Variants in ABLIM2 observed in about 807,000 individuals in gnomAD.
ABLIM2 encodes the protein actin-binding LIM protein 2.
ABLIM2 carries 53 observed loss-of-function variants against 97.7 expected under a neutral mutation model. The observed-to-expected ratio is 0.54, with a 90% confidence interval of 0.44 to 0.68. ABLIM2 has a LOEUF of 0.68. Ranked by LOEUF, ABLIM2 falls within the 30% of genes least tolerant of loss-of-function variation. The pLI, the probability that ABLIM2 is intolerant of heterozygous loss-of-function variation, is 0.00. For missense variants in ABLIM2, 835 were observed against 867.2 expected (o/e 0.96, Z 0.47); for synonymous variants, 361 against 345.8 (o/e 1.04, Z -0.49).
chr4:8,023,519 G>A lies in ABLIM2; in HGVS notation c.1268-3216C>T, dbSNP rs974738739. Among the ~76,000 whole-genome samples, 19 of 152,334 alleles carry A rather than the reference G, an allele frequency of 1.2e-4. No homozygotes were observed. The highest frequency in any genetic ancestry group is 1.0e-3 in the Admixed American group (16 of 15,304). On this transcript the variant is annotated intron_variant, in intron 12 of 20. Transcript: ENST00000447017. The surrounding 1 kb of genome is among the most constrained non-coding windows in gnomAD (Gnocchi z 5.7). ...CAAGGGCACCTGCTGTCAGCAGAGC[G>A]GATCACTGGCCGTGGCGGCCTTGCT...
At chr4:8,107,556 G>C (rs983280598) in intron 1 of ABLIM2, among the ~76,000 whole-genome samples, 2 of 152,182 alleles carry the variant, frequency 1.3e-5, no homozygotes, top group African/African-American at 4.8e-5. Flanking sequence ...ACCCGGGCAG[G>C]ACCCAGCTGC....
intron 15 of ABLIM2, among the ~76,000 whole-genome samples, chr4:8,008,411 G>A (rs1024447884): frequency 2.6e-5 from 4 of 152,208 alleles, no homozygotes; most frequent in African/African-American, 9.6e-5. Flanking sequence ...GGAGCATCTG[G>A]GGGAAACGGA....
intron 1 of ABLIM2, among the ~76,000 whole-genome samples, chr4:8,111,809 C>T (rs1840458255): frequency 6.6e-6 from 1 of 151,632 alleles, no homozygotes; most frequent in African/African-American, 2.4e-5. Context: ...ACCTGTAATC[C>T]CAGCTACTCG....
chr4:8,117,184 T>C (rs1186856460), intron 1 of ABLIM2, among the ~76,000 whole-genome samples: 3 of 152,214 alleles, frequency 2.0e-5, no homozygotes, highest in Non-Finnish European at 4.4e-5. Flanking sequence ...AGGTAGATAT[T>C]CTTTTGCCCA....
intron 1 of ABLIM2, among the ~76,000 whole-genome samples, chr4:8,154,438 C>T (rs1714548937): frequency 1.3e-5 from 2 of 150,650 alleles, no homozygotes; most frequent in South Asian, 2.1e-4. Context: ...CCCACCACCA[C>T]ACCCAGCTAA....
rs150906805 is a variant in ABLIM2, at chr4:8,135,614, T to A, written c.10+23066A>T. ...CACTGCATCTGCTGGTGCCTTCATCTGGGACCTCCAGCCTCCAGGACTGTG... is the reference window on the plus strand; with the variant it reads ...CACTGCATCTGCTGGTGCCTTCATCAGGGACCTCCAGCCTCCAGGACTGTG... On this transcript the variant is annotated intron_variant, in intron 1 of 20. Transcript: ENST00000447017. Among the ~76,000 whole-genome samples the A allele has an allele frequency of 5.7e-3, 861 of 152,378 alleles. 9 individuals are homozygous for A. Among genetic ancestry groups the A allele is most frequent in the African/African-American group, 0.02 (825 of 41,594 alleles).
chr4:8,041,397 G>C (rs957264415), intron 9 of ABLIM2: 5 of 152,260 alleles, frequency 3.3e-5, no homozygotes, highest in African/African-American at 1.2e-4. Flanking sequence ...CACCATGGCT[G>C]TTTACAGCAC....
At chr4:7,973,595 C>G (rs1043016397) in intron 20 of ABLIM2, among the ~76,000 whole-genome samples, 1 of 152,016 alleles carries the variant, frequency 6.6e-6, no homozygotes, top group Non-Finnish European at 1.5e-5. Context: ...GGCCCTGGAC[C>G]GTGTTAAGCA....
chr4:8,115,383 T>C (rs1025112348), intron 1 of ABLIM2, among the ~76,000 whole-genome samples: 3 of 152,160 alleles, frequency 2.0e-5, no homozygotes, highest in African/African-American at 7.2e-5. Context: ...ACAGAACACA[T>C]CCTTTGACAT....
chr4:8,025,796 G>A (rs1464616569), intron 12 of ABLIM2, among the ~76,000 whole-genome samples: 2 of 152,108 alleles, frequency 1.3e-5, no homozygotes, highest in African/African-American at 4.8e-5. Flanking sequence ...AGGGCTGAAG[G>A]TGGGAGGAGA....
chr4:8,100,815 T>C (rs939737853), intron 2 of ABLIM2, among the ~76,000 whole-genome samples: 1 of 150,998 alleles, frequency 6.6e-6, no homozygotes, highest in African/African-American at 2.4e-5. Context: ...TAGCCCAGTG[T>C]CTGCCTGGAA....
intron 14 of ABLIM2, chr4:8,010,691 T>C (rs1414982036): frequency 2.2e-5 from 16 of 730,982 alleles, no homozygotes; most frequent in Non-Finnish European, 2.7e-5. Flanking sequence ...AGCCCTGCTC[T>C]CCCCACTCAC....
chr4:7,992,646 G>A lies in ABLIM2; in HGVS notation c.1680+220C>T, dbSNP rs1400666570. Among the ~76,000 whole-genome samples, 2 of 152,164 alleles carry A rather than the reference G, an allele frequency of 1.3e-5. No homozygotes were observed. Among genetic ancestry groups the A allele is most frequent in the East Asian group, 3.9e-4 (2 of 5,184 alleles). On this transcript the variant is annotated intron_variant, in intron 17 of 20. Transcript: ENST00000447017. This position sits in a 1 kb window ranked among gnomAD's most constrained non-coding sequence, Gnocchi z 5.7. ...CTCTCCCTGGGGTCGGGGGCAGGGA[G>A]GCAGAGTGGGGAGGGTGTTGCCCAG...
rs1375733427 is a variant in ABLIM2, at chr4:8,148,046, C to G, written c.10+10634G>C. On this transcript the variant is annotated intron_variant, in intron 1 of 20. Coordinates refer to ENST00000447017, the MANE Select transcript of ABLIM2 (RefSeq NM_001130083.2). This position sits in a 1 kb window ranked among gnomAD's most constrained non-coding sequence, Gnocchi z 6.7. ...AAACTCTGGTGTGGTTCCCTGAGGC[C>G]CAGGTGGGCAGGCAACAAGGGATAG... 2.0e-5 allele frequency among the ~76,000 whole-genome samples: 3 copies of G among 152,226 alleles called. No homozygotes were observed. Among genetic ancestry groups the G allele is most frequent in the Non-Finnish European group, 4.4e-5 (3 of 68,036 alleles).
Position 8,106,561 on chromosome 4 carries a change from A to C in ABLIM2, c.87T>G (p.Asn29Lys). The change falls in exon 2 of 21, where the codon AAT (asparagine) becomes AAG (lysine). Residue 29 changes from asparagine to lysine, a missense_variant. Coordinates refer to ENST00000447017, the MANE Select transcript of ABLIM2 (RefSeq NM_001130083.2). ...CCCGCAGCACCTCGCCCTTGCACAC[A>C]TTCCCACACGTGTTGCACAGGATCG... is the stretch of plus-strand genomic sequence containing the variant. ...STAILCNTCG[N>K]VCKGEVLRVQ... The C allele has an allele frequency of 6.2e-7, 1 of 1,609,878 alleles. No homozygotes were observed. Among genetic ancestry groups the C allele is most frequent in the Non-Finnish European group, 8.5e-7 (1 of 1,178,480 alleles).
intron 1 of ABLIM2, among the ~76,000 whole-genome samples, chr4:8,153,474 G>A (rs1238726465): frequency 6.6e-6 from 1 of 152,198 alleles, no homozygotes; most frequent in Non-Finnish European, 1.5e-5. Context: ...CCAATGCCTG[G>A]GCAACGGCAG....
chr4:7,983,129 C>G lies in ABLIM2; in HGVS notation c.1824+135G>C, dbSNP rs1332922319. On this transcript the variant is annotated intron_variant, in intron 20 of 20. Coordinates refer to ENST00000447017, the MANE Select transcript of ABLIM2 (RefSeq NM_001130083.2). ...GGCCTTTGAGGCAATGTGGGCCTGA[C>G]TCTGCATCACGGCAAGGCTCTGCAC... 9 of 921,440 alleles carry G rather than the reference C, an allele frequency of 9.8e-6. No homozygotes were observed. The East Asian group carries it at 2.4e-4, about 24-fold the overall frequency. The allele number at this position is 921,440 out of a possible 1,614,324, so 57.1% of individuals were successfully genotyped here. A position where few individuals can be genotyped will look rare whatever the true frequency, so the allele number is the denominator to read the frequency against.
Position 8,094,466 on chromosome 4 carries a change from C to T in ABLIM2, c.338+2633G>A, listed in dbSNP as rs569879374. ...GGGCTCACAACTCTAAGGGGGTCTGCATGAGAAGGTCGTGATCGATCGAGC... is the reference window on the plus strand; with the variant it reads ...GGGCTCACAACTCTAAGGGGGTCTGTATGAGAAGGTCGTGATCGATCGAGC... On this transcript the variant is annotated intron_variant, in intron 3 of 20. Transcript: ENST00000447017. Among the ~76,000 whole-genome samples, 27 of 152,294 alleles carry T rather than the reference C, an allele frequency of 1.8e-4. No individual in the cohort carries two copies. The South Asian group carries it at 5.2e-3, about 29-fold the overall frequency.
At chr4:8,055,367 G>T (rs914919091) in intron 7 of ABLIM2, among the ~76,000 whole-genome samples, 2 of 142,136 alleles carry the variant, frequency 1.4e-5, no homozygotes, top group South Asian at 2.2e-4. Flanking sequence ...CTGACCTGCT[G>T]CCCCCTGCGA....
Sources: allele counts gnomAD v4.1 joint callset (sites outside exome capture counted in the v4.1 genomes callset), GRCh38; gene constraint gnomAD v4.1.1; non-coding constraint Gnocchi (gnomAD v3.1); transcripts MANE v1.5; gene names NCBI Gene and HGNC (gene_info 2026-07-23, HGNC 2026-07-21).